SPINK5: variants seen among roughly 807,000 people sequenced by gnomAD.
SPINK5 encodes serine protease inhibitor Kazal-type 5.
SPINK5 carries 125 observed loss-of-function variants against 151.8 expected under a neutral mutation model. The observed-to-expected ratio is 0.82, with a 90% confidence interval of 0.71 to 0.96. The LOEUF is 0.96. Ranked by LOEUF, SPINK5 falls within the 40% of genes least tolerant of loss-of-function variation. The probability of loss-of-function intolerance (pLI) is 0.00; values close to 1 mark genes in which losing one functional copy is unlikely to be tolerated. For synonymous variants in SPINK5, 374 were observed against 395.3 expected (o/e 0.95, Z 0.64); for missense variants, 1,194 against 1,291.9 (o/e 0.92, Z 1.16).
At chr5:148,074,096 A>G (rs1752820676) in intron 4 of SPINK5, among the ~76,000 whole-genome samples, 1 of 151,904 alleles carries the variant, frequency 6.6e-6, no homozygotes, top group Admixed American at 6.6e-5. Flanking sequence ...TCTCTCCACT[A>G]TAAAACAGAA....
intron 21 of SPINK5, 121 bp downstream of exon 21, chr5:148,114,610 G>C: frequency 7.1e-7 from 1 of 1,417,972 alleles, no homozygotes; most frequent in Middle Eastern, 1.8e-4. Flanking sequence ...AAGGTTATCT[G>C]TAAAGCATTT....
intron 26 of SPINK5, among the ~76,000 whole-genome samples, chr5:148,120,960 C>T (rs902055288): frequency 1.3e-4 from 20 of 151,640 alleles, no homozygotes; most frequent in African/African-American, 4.4e-4. Context: ...CTGGCTAGCA[C>T]GGTGAAACCC....
rs1188518547 is a variant in SPINK5, at chr5:148,082,765, T to A, written c.283-3640T>A. ...GCTGGGACTACAGGCGCCCGCCACC[T>A]CGCCCGGCTAATTTTTTGTATTTTT... is the stretch of plus-strand genomic sequence containing the variant. On this transcript the variant is annotated intron_variant, in intron 4 of 32. Transcript: ENST00000256084. Among the ~76,000 whole-genome samples the A allele has an allele frequency of 3.5e-5, 2 of 57,620 alleles. 1 individual carries two copies. Among genetic ancestry groups the A allele is most frequent in the Non-Finnish European group, 5.7e-5 (2 of 34,962 alleles). 37.8% of individuals were successfully genotyped at this position (57,620 alleles called of 152,430 possible). A position where few individuals can be genotyped will look rare whatever the true frequency, so the allele number is the denominator to read the frequency against.
intron 32 of SPINK5, 190 bp downstream of exon 32, chr5:148,134,077 T>G: frequency 1.5e-6 from 1 of 675,368 alleles, no homozygotes; most frequent in Non-Finnish European, 2.7e-6. Flanking sequence ...GGAAATAATG[T>G]AGCAGTTAAT....
intron 15 of SPINK5, 56 bp downstream of exon 15, chr5:148,101,964 G>A: frequency 6.2e-7 from 1 of 1,610,952 alleles, no homozygotes; most frequent in South Asian, 1.1e-5. Context: ...GAATTTCCAT[G>A]GGAAGTTTTC....
In SPINK5 at chr5:148,111,777, A is replaced by G. The variant is rs1326725036; in HGVS notation, c.1702A>G (p.Ser568Gly). The change falls in exon 19 of 33, where the codon AGT becomes GGT. Residue 568 changes from serine to glycine, a missense_variant. By Grantham distance (56) the Ser-to-Gly change is moderately conservative. Transcript: ENST00000256084. The stretch of plus-strand genomic sequence containing the variant: ...CTGCTTCATTTGGCAGGAGCTGTGC[A>G]GTGAATATCGTCATTATGTGAGGAA... ...VKREAVQELCSEYRHYVRNGR... is the reference protein window; with the variant it reads ...VKREAVQELCGEYRHYVRNGR... 3.7e-6 allele frequency: 6 copies of G among 1,613,956 alleles called. No homozygotes were observed. Among genetic ancestry groups the G allele is most frequent in the Admixed American group, 1.7e-5 (1 of 59,990 alleles).
At position 148,098,012 on chromosome 5, in the gene SPINK5, G is replaced by A; in HGVS notation, c.1010+18G>A. 6.2e-7 allele frequency: 1 copy of A among 1,608,440 alleles called. No homozygotes were observed. The highest frequency in any genetic ancestry group is 8.5e-7 in the Non-Finnish European group (1 of 1,175,994). On this transcript the variant is annotated intron_variant, in intron 11 of 32. Transcript: ENST00000256084. ...GCCTACTTGTGAGTATAGAGTTTTA[G>A]AATGTCAAAGAAAGAAGGGATCTTG...
intron 4 of SPINK5, among the ~76,000 whole-genome samples, chr5:148,084,082 C>A (rs996546224): frequency 2.0e-5 from 3 of 151,798 alleles, no homozygotes; most frequent in African/African-American, 7.3e-5. Flanking sequence ...CATAATTAGA[C>A]TTGATAAAAT....
intron 2 of SPINK5, among the ~76,000 whole-genome samples, chr5:148,067,293 A>G (rs1752610490): frequency 6.6e-6 from 1 of 152,184 alleles, no homozygotes; most frequent in African/African-American, 2.4e-5. Flanking sequence ...AACAGGAAGA[A>G]CTTGGCCCTA....
intron 16 of SPINK5, among the ~76,000 whole-genome samples, chr5:148,105,995 G>A (rs973872821): frequency 1.3e-5 from 2 of 151,730 alleles, no homozygotes; most frequent in African/African-American, 2.4e-5. Context: ...AGTTGACACA[G>A]TTTAAAATTT....
chr5:148,106,568 G>A (rs1156393543), intron 16 of SPINK5, among the ~76,000 whole-genome samples: 1 of 151,984 alleles, frequency 6.6e-6, no homozygotes, highest in Admixed American at 6.6e-5. Context: ...GAACTCCTGG[G>A]CTCAAGCACT....
chr5:148,109,036 GGA>G (rs976392269), intron 18 of SPINK5, among the ~76,000 whole-genome samples, 199 bp downstream of exon 18: 16 of 151,118 alleles, frequency 1.1e-4, no homozygotes, highest in African/African-American at 3.9e-4. Flanking sequence ...TGCTCGTGCA[GGA>G]GAGAGATCAA....
chr5:148,100,613 A>G (rs1336069550), intron 13 of SPINK5, 32 bp downstream of exon 13: 1 of 1,610,532 alleles, frequency 6.2e-7, no homozygotes, highest in African/African-American at 1.3e-5. Context: ...AACATGGAGG[A>G]ATGATTTTGT....
At chr5:148,113,643 A>C (rs1754003324) in intron 20 of SPINK5, among the ~76,000 whole-genome samples, 1 of 152,220 alleles carries the variant, frequency 6.6e-6, no homozygotes, top group African/African-American at 2.4e-5. Flanking sequence ...CCCCCATCAA[A>C]GACTATTGAG....
chr5:148,080,286 T>G (rs1316059093), intron 4 of SPINK5, among the ~76,000 whole-genome samples: 1 of 151,296 alleles, frequency 6.6e-6, no homozygotes, highest in African/African-American at 2.4e-5. Flanking sequence ...ATGAGAAAAC[T>G]CAATATTGTT....
At chr5:148,075,033 A>G (rs941714398) in intron 4 of SPINK5, among the ~76,000 whole-genome samples, 1 of 151,708 alleles carries the variant, frequency 6.6e-6, no homozygotes, top group Non-Finnish European at 1.5e-5. Context: ...ACATATAACA[A>G]GAGTTTTATA....
intron 2 of SPINK5, among the ~76,000 whole-genome samples, chr5:148,069,613 G>T (rs569082352): frequency 8.9e-4 from 135 of 152,148 alleles, no homozygotes; most frequent in African/African-American, 3.0e-3. Flanking sequence ...GGTGGTGGGG[G>T]TGGAAGTATG....
intron 32 of SPINK5, among the ~76,000 whole-genome samples, chr5:148,135,345 C>T (rs1425659123): frequency 6.6e-6 from 1 of 152,130 alleles, no homozygotes; most frequent in African/African-American, 2.4e-5. Context: ...CACCTTAGAC[C>T]ACACTTCCCT....
At chr5:148,076,459 C>T (rs997092024) in intron 4 of SPINK5, among the ~76,000 whole-genome samples, 27 of 151,802 alleles carry the variant, frequency 1.8e-4, no homozygotes, top group African/African-American at 6.5e-4. Context: ...CCTATATTAT[C>T]TAAAATGTTG....
Sources: allele counts gnomAD v4.1 joint callset (sites outside exome capture counted in the v4.1 genomes callset), GRCh38; gene constraint gnomAD v4.1.1; transcripts MANE v1.5; gene names NCBI Gene and HGNC (gene_info 2026-07-23, HGNC 2026-07-21).